Variants in NLRP2 observed in about 807,000 individuals in gnomAD.
The protein encoded by NLRP2 is NACHT, LRR and PYD domains-containing protein 2.
In NLRP2, 107 loss-of-function variants were observed where a neutral mutation model predicts 97.2. The observed-to-expected ratio is 1.10, with a 90% confidence interval of 0.94 to 1.29. The LOEUF (loss-of-function observed/expected upper bound fraction) is 1.29. Ranked by LOEUF, NLRP2 falls within the 50% of genes most tolerant of loss-of-function variation. The pLI is 0.00. For missense variants in NLRP2, 1,495 were observed against 1,330.3 expected, an observed-to-expected ratio of 1.12 and a Z score of -1.93; for synonymous variants, 663 against 551.5, an observed-to-expected ratio of 1.20 and a Z score of -2.83.
At chr19:54,988,307 T>TC (rs1407601210) in intron 8 of NLRP2, among the ~76,000 whole-genome samples, 2 of 152,268 alleles carry the variant, frequency 1.3e-5, no homozygotes, top group South Asian at 2.1e-4. Context: ...TTTCTTTTTT[T>TC]CTCAAGATAT....
intron 10 of NLRP2, among the ~76,000 whole-genome samples, chr19:54,992,119 G>A (rs2072514768): frequency 6.6e-6 from 1 of 151,530 alleles, no homozygotes; most frequent in South Asian, 2.1e-4. Context: ...ATTTCACCAT[G>A]TTGGCCAGGT....
At chr19:54,970,415 C>T (rs1256200713) in intron 2 of NLRP2, 120 bp downstream of exon 2, 5 of 1,227,772 alleles carry the variant, frequency 4.1e-6, no homozygotes, top group South Asian at 3.7e-5. Context: ...CTTTGGGAGG[C>T]TGAGGCGGTT....
Position 54,983,193 on chromosome 19 carries a change from T to A in NLRP2, c.1495T>A (p.Tyr499Asn), listed in dbSNP as rs1415689694. 6.2e-7 allele frequency: 1 copy of A among 1,614,074 alleles called. No homozygotes were observed. Among genetic ancestry groups the A allele is most frequent in the East Asian group, 2.2e-5 (1 of 44,860 alleles). The change falls in exon 6 of 13, where the codon TAC becomes AAC. Residue 499 changes from tyrosine to asparagine, a missense_variant. Transcript: ENST00000448584. ...LRQDRVSKGC[Y>N]SFIHLSFQQF... Reference sequence around the variant, plus strand: ...CCAGGACAGAGTCTCCAAAGGCTGCTACTCCTTCATCCACCTCAGCTTCCA... The same window carrying A: ...CCAGGACAGAGTCTCCAAAGGCTGCAACTCCTTCATCCACCTCAGCTTCCA...
chr19:54,980,029 C>T (rs1311122971), intron 4 of NLRP2, among the ~76,000 whole-genome samples: 3 of 151,976 alleles, frequency 2.0e-5, no homozygotes, highest in Non-Finnish European at 4.4e-5. Flanking sequence ...TCCGCCTCAG[C>T]CTCCCAAAGT....
At chr19:54,972,618 T>TTG (rs1038522238) in intron 2 of NLRP2, among the ~76,000 whole-genome samples, 13 of 151,930 alleles carry the variant, frequency 8.6e-5, no homozygotes, top group African/African-American at 3.1e-4. Flanking sequence ...TCGCTCATTC[T>TTG]TGTATATATA....
chr19:54,972,040 C>G (rs2070893004), intron 2 of NLRP2, among the ~76,000 whole-genome samples: 1 of 134,122 alleles, frequency 7.5e-6, no homozygotes, highest in Non-Finnish European at 1.6e-5. Flanking sequence ...GATGGGGTTT[C>G]ACCATGTTAG....
intron 12 of NLRP2, among the ~76,000 whole-genome samples, chr19:54,997,867 A>ATCT (rs1555784479): frequency 6.6e-6 from 1 of 150,802 alleles, no homozygotes; most frequent in East Asian, 2.0e-4. Flanking sequence ...GGCTCAAGCA[A>ATCT]TCCTGCCTCA....
rs1395312259 is a variant in NLRP2 at position 54,995,239 on chromosome 19, G to A, written c.2879+800G>A. The stretch of plus-strand genomic sequence containing the variant: ...TAGTTTCACTCTTGTTGCCCAGGCT[G>A]TAGTGTAATGGCGCGATCTCAGCTC... On this transcript the variant is annotated intron_variant, in intron 11 of 12. Coordinates refer to ENST00000448584, the MANE Select transcript of NLRP2 (RefSeq NM_017852.5). Among the ~76,000 whole-genome samples the A allele has an allele frequency of 6.9e-5, 9 of 130,144 alleles. No homozygotes were observed. The Admixed American group carries it at 8.1e-4, about 12-fold the overall frequency. 85.4% of individuals were successfully genotyped at this position (130,144 alleles called of 152,430 possible).
At chr19:54,988,008 C>T (rs1252883995) in intron 8 of NLRP2, among the ~76,000 whole-genome samples, 4 of 152,142 alleles carry the variant, frequency 2.6e-5, no homozygotes, top group South Asian at 4.1e-4. Flanking sequence ...CACGCCATTG[C>T]ACTCCAGCCT....
chr19:54,972,397 G>C (rs1204911167), intron 2 of NLRP2, among the ~76,000 whole-genome samples: 2 of 150,736 alleles, frequency 1.3e-5, no homozygotes, highest in Non-Finnish European at 3.0e-5. Context: ...TGGCCAGGCT[G>C]GTCTTGAACT....
intron 2 of NLRP2, chr19:54,973,693 T>A: frequency 2.6e-6 from 1 of 386,324 alleles, no homozygotes. Flanking sequence ...TAACTTTAGC[T>A]GACCTCCGGA....
At position 54,984,985 on chromosome 19, in the gene NLRP2, C is replaced by T. The variant is rs2071952665; in HGVS notation, c.2031-62C>T. 4 of 1,551,430 alleles carry T rather than the reference C, an allele frequency of 2.6e-6. No homozygotes were observed. In the South Asian group the frequency reaches 4.5e-5, roughly 17 times the overall value. On this transcript the variant is annotated intron_variant, in intron 6 of 12. Coordinates refer to ENST00000448584, the MANE Select transcript of NLRP2 (RefSeq NM_017852.5). ...GTCAGGGGTATATGCCCAGAGAAACCCTAAATACTTCAGCCGTGATGGACA... is the reference window on the plus strand; with the variant it reads ...GTCAGGGGTATATGCCCAGAGAAACTCTAAATACTTCAGCCGTGATGGACA...
In NLRP2 at chr19:54,974,480, C is replaced by T. The variant is rs199475709; in HGVS notation, c.281-20C>T. ...AGCTTATGGTAAAATGCAAAATTTT[C>T]CCCCCTTCTCCTTTTTCAGAAGCAG... is the stretch of plus-strand genomic sequence containing the variant. On this transcript the variant is annotated intron_variant, in intron 2 of 12. Coordinates refer to ENST00000448584, the MANE Select transcript of NLRP2 (RefSeq NM_017852.5). 147 of 1,606,164 alleles carry T rather than the reference C, an allele frequency of 9.2e-5. No individual in the cohort carries two copies. Among genetic ancestry groups the T allele is most frequent in the Admixed American group, 3.5e-4 (21 of 59,958 alleles).
intron 3 of NLRP2, among the ~76,000 whole-genome samples, chr19:54,977,134 C>A (rs1170462334): frequency 6.6e-6 from 1 of 152,010 alleles, no homozygotes; most frequent in African/African-American, 2.4e-5. Context: ...TTCTTACATT[C>A]TTTCCCAGTT....
chr19:54,988,043 C>T (rs1043662940), intron 8 of NLRP2, among the ~76,000 whole-genome samples: 5 of 152,000 alleles, frequency 3.3e-5, no homozygotes, highest in African/African-American at 1.2e-4. Context: ...AACTCCATCT[C>T]GAGGACAGAA....
rs755393356 is a variant in NLRP2, at chr19:54,983,250, G to T, written c.1552G>T (p.Glu518Ter). ...TCTCACTGCCCTGTTCTACACCCTG[G>T]AGAAGGAGGAGGAAGAGGATAGGGA... ...QFLTALFYTL[E>*]KEEEEDRDGH... The change falls in exon 6 of 13, where the codon GAG becomes TAG. Residue 518 changes from glutamate (E) to a stop codon, truncating the protein, a stop_gained. Transcript: ENST00000448584. LOFTEE classifies it high-confidence loss of function. 11 of 1,613,278 alleles carry T rather than the reference G, an allele frequency of 6.8e-6. No homozygotes were observed. The highest frequency in any genetic ancestry group is 9.3e-6 in the Non-Finnish European group (11 of 1,179,358).
chr19:54,980,481 A>C (rs987573359), intron 4 of NLRP2, among the ~76,000 whole-genome samples: 1 of 152,224 alleles, frequency 6.6e-6, no homozygotes, highest in African/African-American at 2.4e-5. Flanking sequence ...GGCGTGAGCC[A>C]CCGCGCCCAG....
intron 1 of NLRP2, among the ~76,000 whole-genome samples, chr19:54,966,794 G>C (rs1438839537): frequency 6.7e-6 from 1 of 149,454 alleles, no homozygotes; most frequent in African/African-American, 2.5e-5. Context: ...CCAAGGTGCC[G>C]GGATTACAGG....
chr19:54,997,678 C>G, intron 12 of NLRP2, among the ~76,000 whole-genome samples, 191 bp downstream of exon 12: 1 of 151,730 alleles, frequency 6.6e-6, no homozygotes, highest in South Asian at 2.1e-4. Context: ...TGGTCTCAAA[C>G]TCCTGACCTC....
Sources: gnomAD v4.1 joint callset for allele counts (sites outside exome capture counted in the v4.1 genomes callset) on GRCh38, gnomAD v4.1.1 for gene constraint, MANE v1.5 for transcripts, NCBI Gene and HGNC (gene_info 2026-07-23, HGNC 2026-07-21) for gene names.